Variants in KIAA1217 observed in about 807,000 individuals in gnomAD.
KIAA1217 encodes KIAA1217.
A neutral mutation model predicts 163.9 loss-of-function variants in KIAA1217; 88 were observed. That is an observed-to-expected ratio of 0.54 (90% confidence interval 0.45 to 0.64). The LOEUF (loss-of-function observed/expected upper bound fraction) is 0.64. KIAA1217 is among the 30% of genes least tolerant of loss of function. The pLI is 0.00. For synonymous variants in KIAA1217, 903 were observed against 923.1 expected (o/e 0.98, Z 0.39); for missense variants, 2,372 against 2,475.0 (o/e 0.96, Z 0.88).
At chr10:24,286,881 T>C (rs1301256243) in intron 2 of KIAA1217, among the ~76,000 whole-genome samples, 1 of 152,168 alleles carries the variant, frequency 6.6e-6, no homozygotes, top group African/African-American at 2.4e-5. Flanking sequence ...CTGGTGCTAA[T>C]TGGAAAGGGT....
At chr10:24,109,138 G>A (rs2062744319) in intron 2 of KIAA1217, among the ~76,000 whole-genome samples, 1 of 152,036 alleles carries the variant, frequency 6.6e-6, no homozygotes, top group Admixed American at 6.6e-5. Flanking sequence ...GCCAAGACTG[G>A]GTATATTTGA....
rs139237078 is a variant in KIAA1217 at position 24,524,476 on chromosome 10, C to T, written c.2610C>T (p.Gly870=). 8 of 1,614,018 alleles carry T rather than the reference C, an allele frequency of 5.0e-6. No individual in the cohort carries two copies. The highest frequency in any genetic ancestry group is 4.0e-5 in the African/African-American group (3 of 74,922). The change falls in exon 13 of 21, where the codon GGC becomes GGT. Residue 870 remains glycine (G), a synonymous_variant. Transcript: ENST00000376454. The part of the protein sequence containing the change: ...GQPFHSTGAP[G]DAKSEVVPLS... ...CCTTCCACAGCACAGGTGCCCCTGG[C>T]GATGCGAAGTCGGAAGTGGTGCCTT...
chr10:24,288,072 G>A lies in KIAA1217; in HGVS notation c.354+68163G>A, dbSNP rs149696644. Among the ~76,000 whole-genome samples, 37 of 152,160 alleles carry A rather than the reference G, an allele frequency of 2.4e-4. No individual in the cohort carries two copies. In the East Asian group the frequency reaches 4.4e-3, roughly 18 times the overall value. On this transcript the variant is annotated intron_variant, in intron 2 of 20. Transcript: ENST00000376454. ...GCCAGCCTTTGAAATTATTTTCATC[G>A]GGAAAGTACTACAGGATTTTTTAAA... is the stretch of plus-strand genomic sequence containing the variant.
At chr10:23,883,021 A>G (rs1430015553) in intron 1 of KIAA1217, among the ~76,000 whole-genome samples, 1 of 151,934 alleles carries the variant, frequency 6.6e-6, no homozygotes, top group Non-Finnish European at 1.5e-5. Flanking sequence ...ACCTAGAATG[A>G]TTTGCATTAC....
chr10:24,542,465 A>G, intron 17 of KIAA1217: 3 of 1,381,368 alleles, frequency 2.2e-6, no homozygotes. Context: ...TAAATTCTTG[A>G]AATCTTTTGC....
chr10:24,438,570 A>G (rs529400214), intron 5 of KIAA1217, 91 bp downstream of exon 5: 10 of 862,066 alleles, frequency 1.2e-5, no homozygotes, highest in African/African-American at 3.3e-5. Context: ...GAACTCTACA[A>G]CTGAGTTTTG....
chr10:24,125,876 C>T (rs192089349), intron 2 of KIAA1217, among the ~76,000 whole-genome samples: 2 of 152,254 alleles, frequency 1.3e-5, no homozygotes, highest in East Asian at 3.9e-4. Context: ...TCGCTGATTA[C>T]TGTCATTTAT....
chr10:24,311,277 T>G (rs1415378333), intron 2 of KIAA1217, among the ~76,000 whole-genome samples: 1 of 152,094 alleles, frequency 6.6e-6, no homozygotes, highest in Non-Finnish European at 1.5e-5. Context: ...CGAGACTGGT[T>G]GATATTTGGA....
chr10:24,095,115 C>T lies in KIAA1217; in HGVS notation c.-171+87741C>T, dbSNP rs1022773229. The stretch of plus-strand genomic sequence containing the variant: ...GCGCAGTATTCACGTGGGAGTGGCC[C>T]GATTTTCCAGGTGCCATCTGTCACC... On this transcript the variant is annotated intron_variant, in intron 2 of 18. Coordinates refer to the KIAA1217 transcript ENST00000376462. Among the ~76,000 whole-genome samples, 9 of 152,184 alleles carry T rather than the reference C, an allele frequency of 5.9e-5. No individual in the cohort carries two copies. In the East Asian group the frequency reaches 7.7e-4, roughly 13 times the overall value.
intron 1 of KIAA1217, among the ~76,000 whole-genome samples, chr10:23,970,731 A>G (rs987491726): frequency 6.6e-6 from 1 of 152,230 alleles, no homozygotes; most frequent in Admixed American, 6.5e-5. Flanking sequence ...CAACCAACTG[A>G]ATAGACCCCT....
intron 1 of KIAA1217, among the ~76,000 whole-genome samples, chr10:23,821,136 T>TGTGA (rs1363561424): frequency 2.5e-4 from 38 of 149,040 alleles, no homozygotes; most frequent in African/African-American, 8.7e-4. Context: ...TGTGTGTGTG[T>TGTGA]GATACTAAGT....
intron 1 of KIAA1217, among the ~76,000 whole-genome samples, chr10:23,729,326 G>C (rs1167466027): frequency 6.6e-6 from 1 of 152,148 alleles, no homozygotes; most frequent in Non-Finnish European, 1.5e-5. Flanking sequence ...GGGCATGATT[G>C]CTGGATCATA....
chr10:24,506,216 C>A (rs778582785), intron 9 of KIAA1217, among the ~76,000 whole-genome samples: 3 of 152,166 alleles, frequency 2.0e-5, no homozygotes, highest in African/African-American at 7.2e-5. Context: ...GATCAGGAGT[C>A]GTTCTGAGGT....
chr10:24,079,013 T>G (rs74452394), intron 2 of KIAA1217, among the ~76,000 whole-genome samples: 2,020 of 152,292 alleles, frequency 0.013, 21 homozygotes, highest in South Asian at 0.023. Flanking sequence ...TCTGGTAACG[T>G]CTTAGCATGG....
At chr10:23,816,277 T>TTTG (rs766444497) in intron 1 of KIAA1217, among the ~76,000 whole-genome samples, 4 of 152,154 alleles carry the variant, frequency 2.6e-5, no homozygotes, top group Non-Finnish European at 5.9e-5. Context: ...CACATTTCTT[T>TTTG]TTGTTGTTGT....
intron 6 of KIAA1217, among the ~76,000 whole-genome samples, chr10:24,479,149 C>G (rs925450278): frequency 6.6e-6 from 1 of 152,198 alleles, no homozygotes; most frequent in African/African-American, 2.4e-5. Context: ...TTAGCAGAAC[C>G]TTCTGTGTAC....
chr10:23,827,713 C>G (rs1235206606), intron 1 of KIAA1217, among the ~76,000 whole-genome samples: 1 of 152,184 alleles, frequency 6.6e-6, no homozygotes, highest in African/African-American at 2.4e-5. Flanking sequence ...TTGACTAAGT[C>G]TTTGAGGGTG....
intron 2 of KIAA1217, among the ~76,000 whole-genome samples, chr10:24,368,015 A>G (rs1277318565): frequency 1.3e-5 from 2 of 152,230 alleles, no homozygotes; most frequent in African/African-American, 2.4e-5. Context: ...AATCAGTCTC[A>G]TTGATCTCTT....
At chr10:23,985,816 A>G (rs1262795747) in intron 1 of KIAA1217, among the ~76,000 whole-genome samples, 1 of 152,106 alleles carries the variant, frequency 6.6e-6, no homozygotes, top group Non-Finnish European at 1.5e-5. Context: ...AAAGCCTTAG[A>G]GGAGAAGGTT....
Sources: gnomAD v4.1 joint callset for allele counts (sites outside exome capture counted in the v4.1 genomes callset) on GRCh38, gnomAD v4.1.1 for gene constraint, MANE v1.5 for transcripts, NCBI Gene and HGNC (gene_info 2026-07-23, HGNC 2026-07-21) for gene names.